TLE1: variants seen among roughly 807,000 people sequenced by gnomAD.
TLE1 encodes the protein TLE family member 1, transcriptional corepressor, also known as transducin-like enhancer protein 1.
Under a neutral mutation model 89.8 loss-of-function variants are expected in TLE1, and 21 were observed. That is an observed-to-expected ratio of 0.23 (90% confidence interval 0.17 to 0.34). The LOEUF is 0.34. TLE1 is among the 10% of genes least tolerant of loss of function. The probability of loss-of-function intolerance (pLI) is 1.00; values close to 1 mark genes in which losing one functional copy is unlikely to be tolerated. For missense variants in TLE1, 795 were observed against 1,031.2 expected, an observed-to-expected ratio of 0.77 and a Z score of 3.14; for synonymous variants, 447 against 407.6, an observed-to-expected ratio of 1.10 and a Z score of -1.16.
chr9:81,666,667 CAG>C (rs1186381632), intron 4 of TLE1, among the ~76,000 whole-genome samples: 1 of 151,732 alleles, frequency 6.6e-6, no homozygotes, highest in African/African-American at 2.4e-5. Flanking sequence ...CCCAGCTACT[CAG>C]GGGGCTGAGG....
chr9:81,688,029 G>A (rs572012402), intron 1 of TLE1, among the ~76,000 whole-genome samples, 188 bp downstream of exon 1: 3 of 152,182 alleles, frequency 2.0e-5, no homozygotes, highest in Admixed American at 6.5e-5. Flanking sequence ...AGCCCAAAGG[G>A]AGGGAGAAAA....
intron 4 of TLE1, among the ~76,000 whole-genome samples, chr9:81,670,121 G>C (rs992663275): frequency 6.6e-6 from 1 of 152,122 alleles, no homozygotes; most frequent in Non-Finnish European, 1.5e-5. Flanking sequence ...CTCTCAAATC[G>C]AATGATTCTG....
chr9:81,618,020 C>T (rs1447070809), intron 9 of TLE1, among the ~76,000 whole-genome samples: 1 of 130,356 alleles, frequency 7.7e-6, no homozygotes, highest in African/African-American at 3.9e-5. Flanking sequence ...AGCAAGACTC[C>T]GTCTCAAAAC....
At chr9:81,644,139 G>T (rs1828525166) in intron 6 of TLE1, among the ~76,000 whole-genome samples, 1 of 152,202 alleles carries the variant, frequency 6.6e-6, no homozygotes, top group Admixed American at 6.5e-5. Context: ...GTACGCTATT[G>T]TGGGAATGTA....
chr9:81,686,210 T>C (rs1834257593), intron 2 of TLE1, among the ~76,000 whole-genome samples: 1 of 152,224 alleles, frequency 6.6e-6, no homozygotes, highest in South Asian at 2.1e-4. Context: ...CATCAGTTTG[T>C]TTCTCTGTAC....
At chr9:81,598,740 A>G (rs1323752114) in intron 14 of TLE1, among the ~76,000 whole-genome samples, 2 of 152,208 alleles carry the variant, frequency 1.3e-5, no homozygotes, top group Non-Finnish European at 2.9e-5. Context: ...GGGGAAAGGC[A>G]GTCTCTAGAC....
At chr9:81,655,872 AAAG>A (rs1830100770) in intron 4 of TLE1, among the ~76,000 whole-genome samples, 1 of 151,802 alleles carries the variant, frequency 6.6e-6, no homozygotes, top group Non-Finnish European at 1.5e-5. Flanking sequence ...AAAAAAAAGA[AAAG>A]AAAAGAACAA....
intron 14 of TLE1, among the ~76,000 whole-genome samples, chr9:81,606,884 T>G (rs188861023): frequency 6.6e-6 from 1 of 152,020 alleles, no homozygotes; most frequent in African/African-American, 2.4e-5. Flanking sequence ...ATATTAAGTC[T>G]ATCTTCCTCA....
chr9:81,686,292 G>T (rs1156259205), intron 2 of TLE1, among the ~76,000 whole-genome samples: 1 of 152,096 alleles, frequency 6.6e-6, no homozygotes, highest in Admixed American at 6.5e-5. Flanking sequence ...CAACTCAAAC[G>T]GTCTCTAGGT....
Position 81,613,468 on chromosome 9 carries a change from G to A in TLE1, c.972C>T (p.Ser324=), listed in dbSNP as rs566199044. ...VLKSSTPTPR[S]DMPTPGTSAT... ...CGCTGGTGCCCGGCGTTGGCATGTCGCTCCGAGGCGTTGGTGTGCTGGATT... is the reference window on the plus strand; with the variant it reads ...CGCTGGTGCCCGGCGTTGGCATGTCACTCCGAGGCGTTGGTGTGCTGGATT... Residue 324 remains serine, a synonymous_variant, in exon 12 of 20, where the codon AGC becomes AGT. Transcript: ENST00000376499. The A allele has an allele frequency of 4.3e-6, 7 of 1,614,196 alleles. No homozygotes were observed. The highest frequency in any genetic ancestry group is 3.3e-5 in the Admixed American group (2 of 60,024).
chr9:81,623,933 T>TG (rs138804277), intron 8 of TLE1, among the ~76,000 whole-genome samples: 4,383 of 152,182 alleles, frequency 0.029, 224 homozygotes, highest in African/African-American at 0.099. Context: ...TCCTGCTCCT[T>TG]TAATCTGGAG....
chr9:81,649,610 T>A (rs1829289944), intron 6 of TLE1, among the ~76,000 whole-genome samples: 1 of 152,194 alleles, frequency 6.6e-6, no homozygotes, highest in Non-Finnish European at 1.5e-5. Flanking sequence ...AGCCTGAAAG[T>A]GGATGCAGAC....
At chr9:81,586,684 T>C (rs1481363487) in intron 17 of TLE1, among the ~76,000 whole-genome samples, 3 of 152,168 alleles carry the variant, frequency 2.0e-5, no homozygotes, top group African/African-American at 7.2e-5. Context: ...AACTTCAAGC[T>C]GAGCGATGGG....
chr9:81,633,284 G>C (rs1369709203), intron 8 of TLE1, 64 bp downstream of exon 8: 23 of 1,568,658 alleles, frequency 1.5e-5, no homozygotes, highest in Non-Finnish European at 1.9e-5. Context: ...TGTCAGAAGG[G>C]GACCGTGTGT....
At chr9:81,655,824 G>A (rs1028560155) in intron 4 of TLE1, among the ~76,000 whole-genome samples, 14 of 143,462 alleles carry the variant, frequency 9.8e-5, no homozygotes, top group Admixed American at 8.6e-4. Flanking sequence ...CTATACTCCA[G>A]CCAAGGCGAC....
intron 14 of TLE1, among the ~76,000 whole-genome samples, chr9:81,595,828 A>T (rs900813876): frequency 3.5e-4 from 53 of 152,054 alleles, no homozygotes; most frequent in East Asian, 1.9e-3. Flanking sequence ...AAAAAAAAAA[A>T]AAAAATTAAA....
In TLE1 at chr9:81,613,684, T is replaced by G. The variant is rs73647835; in HGVS notation, c.919-163A>C. On this transcript the variant is annotated intron_variant, in intron 11 of 19. Coordinates refer to ENST00000376499, the MANE Select transcript of TLE1 (RefSeq NM_005077.5). Reference sequence around the variant, plus strand: ...ACAGCATTAACTTGTGAGCGAGAAATGTTGACCTTTCCTCTTCCTGCCAGA... The same window carrying G: ...ACAGCATTAACTTGTGAGCGAGAAAGGTTGACCTTTCCTCTTCCTGCCAGA... Among the ~76,000 whole-genome samples the G allele has an allele frequency of 5.2e-3, 785 of 152,246 alleles. 6 individuals carry two copies. The highest frequency in any genetic ancestry group is 0.018 in the African/African-American group (748 of 41,542).
chr9:81,597,276 G>C (rs906948619), intron 14 of TLE1, among the ~76,000 whole-genome samples: 1 of 150,240 alleles, frequency 6.7e-6, no homozygotes, highest in African/African-American at 2.4e-5. Flanking sequence ...GCACCACCAC[G>C]ACTTAAAAAA....
intron 13 of TLE1, among the ~76,000 whole-genome samples, chr9:81,611,160 TTTC>T (rs1330538429): frequency 3.3e-5 from 5 of 152,162 alleles, no homozygotes; most frequent in African/African-American, 9.7e-5. Context: ...TGCAGTTTTG[TTTC>T]TTCTTGTTCA....
Sources: allele counts gnomAD v4.1 joint callset (sites outside exome capture counted in the v4.1 genomes callset), GRCh38; gene constraint gnomAD v4.1.1; transcripts MANE v1.5; gene names NCBI Gene and HGNC (gene_info 2026-07-23, HGNC 2026-07-21).